Variants in RCAN2 observed in about 807,000 individuals in gnomAD.
RCAN2 encodes regulator of calcineurin 2, also known as calcipressin-2.
In RCAN2, 9 loss-of-function variants were observed where a neutral mutation model predicts 23.6. That is an observed-to-expected ratio of 0.38 (90% CI 0.23 to 0.67). RCAN2 has a LOEUF of 0.67. Ranked by LOEUF, RCAN2 falls within the 30% of genes least tolerant of loss-of-function variation. The pLI is 0.51. For synonymous variants in RCAN2, 109 were observed against 115.7 expected (o/e 0.94, Z 0.37); for missense variants, 273 against 302.3 (o/e 0.90, Z 0.72).
chr6:46,336,198 G>A (rs1396239698), intron 2 of RCAN2, among the ~76,000 whole-genome samples: 1 of 152,210 alleles, frequency 6.6e-6, no homozygotes, highest in African/African-American at 2.4e-5. Flanking sequence ...AGTAACTTTA[G>A]AAGAACAGAA....
chr6:46,284,280 T>A (rs1415442931), intron 2 of RCAN2, among the ~76,000 whole-genome samples: 1 of 152,072 alleles, frequency 6.6e-6, no homozygotes, highest in African/African-American at 2.4e-5. Flanking sequence ...GGATATTTAG[T>A]CTCGGCAGAG....
intron 1 of RCAN2, among the ~76,000 whole-genome samples, chr6:46,484,328 T>C (rs867178087): frequency 6.6e-6 from 1 of 152,198 alleles, no homozygotes; most frequent in Non-Finnish European, 1.5e-5. Context: ...TTAAGAAGAT[T>C]CCAACGGTTA....
At chr6:46,433,727 C>T (rs1052812894) in intron 2 of RCAN2, among the ~76,000 whole-genome samples, 3 of 152,172 alleles carry the variant, frequency 2.0e-5, no homozygotes, top group Non-Finnish European at 2.9e-5. Flanking sequence ...TTAGGACTTC[C>T]GACCTCCAGA....
chr6:46,223,348 A>G, intron 4 of RCAN2, 47 bp from the exon 5 acceptor site: 1 of 1,571,528 alleles, frequency 6.4e-7, no homozygotes, highest in South Asian at 1.1e-5. Flanking sequence ...GGGATTTCAA[A>G]AGAGATCCTG....
chr6:46,252,187 G>A (rs1766754231), intron 2 of RCAN2, among the ~76,000 whole-genome samples: 2 of 152,112 alleles, frequency 1.3e-5, no homozygotes. Context: ...GGCAGATCCA[G>A]CACAATGAAG....
chr6:46,401,799 G>T (rs1766255075), intron 2 of RCAN2, among the ~76,000 whole-genome samples: 1 of 152,150 alleles, frequency 6.6e-6, no homozygotes, highest in Non-Finnish European at 1.5e-5. Context: ...CTGTTCCCAT[G>T]AGAGCCCCAG....
At chr6:46,301,922 C>T (rs1022387528) in intron 2 of RCAN2, among the ~76,000 whole-genome samples, 5 of 152,008 alleles carry the variant, frequency 3.3e-5, no homozygotes, top group African/African-American at 4.8e-5. Flanking sequence ...TCATTCTAAG[C>T]GCAACAGGGA....
At chr6:46,340,454 C>T (rs535733303) in intron 2 of RCAN2, among the ~76,000 whole-genome samples, 1 of 152,268 alleles carries the variant, frequency 6.6e-6, no homozygotes, top group South Asian at 2.1e-4. Context: ...TGAGTTCTGG[C>T]CAATGGAGTG....
At chr6:46,263,553 G>GTA (rs1767213181) in intron 2 of RCAN2, among the ~76,000 whole-genome samples, 1 of 139,382 alleles carries the variant, frequency 7.2e-6, no homozygotes. Flanking sequence ...GTGTGTGTGT[G>GTA]TGTGTGTATG....
rs1040959481 is a variant in RCAN2 at position 46,325,686 on chromosome 6, C to A, written c.226-76790G>T. On this transcript the variant is annotated intron_variant, in intron 2 of 4. Coordinates refer to ENST00000371374, the MANE Select transcript of RCAN2 (RefSeq NM_001251974.2). Reference sequence around the variant, plus strand: ...CAGCAGAGTAACGAACGGCCCGGCTCGCTCATGGCAATGACATCACCACAA... The same window carrying A: ...CAGCAGAGTAACGAACGGCCCGGCTAGCTCATGGCAATGACATCACCACAA... The A allele has an allele frequency of 5.0e-5, 68 of 1,360,834 alleles. 2 individuals are homozygous for A. The Admixed American group carries it at 6.2e-4, about 12-fold the overall frequency. The allele number at this position is 1,360,834 out of a possible 1,614,324, so 84.3% of individuals were successfully genotyped here. A position where few individuals can be genotyped will look rare whatever the true frequency, so the allele number is the denominator to read the frequency against.
At chr6:46,232,790 C>CAAAA (rs35457944) in intron 4 of RCAN2, among the ~76,000 whole-genome samples, 63 of 88,710 alleles carry the variant, frequency 7.1e-4, no homozygotes, top group Non-Finnish European at 9.1e-4. Context: ...AAGACTGTCT[C>CAAAA]AAAAAAAAAA....
intron 4 of RCAN2, among the ~76,000 whole-genome samples, chr6:46,240,090 G>A (rs567793575): frequency 6.6e-6 from 1 of 152,264 alleles, no homozygotes; most frequent in East Asian, 1.9e-4. Flanking sequence ...GGAGCTGCCT[G>A]GGAGAGCCCT....
At chr6:46,325,149 C>T (rs1438829947) in intron 2 of RCAN2, among the ~76,000 whole-genome samples, 1 of 152,134 alleles carries the variant, frequency 6.6e-6, no homozygotes, top group Non-Finnish European at 1.5e-5. Flanking sequence ...AAGGACTGAC[C>T]AGGGATTACC....
intron 1 of RCAN2, among the ~76,000 whole-genome samples, chr6:46,470,061 T>C (rs189514662): frequency 3.2e-4 from 49 of 152,366 alleles, no homozygotes; most frequent in African/African-American, 1.1e-3. Context: ...ATTTCTCTTC[T>C]TTTTAAATTG....
At chr6:46,306,610 C>T (rs1304584989) in intron 2 of RCAN2, among the ~76,000 whole-genome samples, 1 of 152,142 alleles carries the variant, frequency 6.6e-6, no homozygotes, top group Admixed American at 6.5e-5. Context: ...TTTGGCTGCT[C>T]TCACATGTAT....
intron 2 of RCAN2, among the ~76,000 whole-genome samples, chr6:46,415,864 A>C (rs1766698482): frequency 6.6e-6 from 1 of 152,216 alleles, no homozygotes; most frequent in Non-Finnish European, 1.5e-5. Flanking sequence ...TCCTATGAAT[A>C]CTAAAATCCA....
At chr6:46,317,326 C>CTG (rs1346915368) in intron 2 of RCAN2, among the ~76,000 whole-genome samples, 164 of 152,268 alleles carry the variant, frequency 1.1e-3, no homozygotes, top group African/African-American at 3.9e-3. Context: ...GATTTATGTA[C>CTG]AAGTAGTATA....
At chr6:46,330,204 G>A (rs891222094) in intron 2 of RCAN2, among the ~76,000 whole-genome samples, 39 of 152,118 alleles carry the variant, frequency 2.6e-4, no homozygotes, top group African/African-American at 9.2e-4. Context: ...TCAGAGTGTG[G>A]TCCCCAGACC....
At chr6:46,317,658 G>T (rs1232826204) in intron 2 of RCAN2, among the ~76,000 whole-genome samples, 1 of 151,918 alleles carries the variant, frequency 6.6e-6, no homozygotes, top group East Asian at 1.9e-4. Flanking sequence ...GTAGAGACGG[G>T]GTTTCACCGT....
Sources: allele counts gnomAD v4.1 joint callset (sites outside exome capture counted in the v4.1 genomes callset), GRCh38; gene constraint gnomAD v4.1.1; transcripts MANE v1.5; gene names NCBI Gene and HGNC (gene_info 2026-07-23, HGNC 2026-07-21).